Variants in CPEB3 observed in about 807,000 individuals in gnomAD.
The protein encoded by CPEB3 is cytoplasmic polyadenylation element binding protein 3.
A neutral mutation model predicts 67.2 loss-of-function variants in CPEB3; 20 were observed. That is an observed-to-expected ratio of 0.30 (90% CI 0.21 to 0.43). The LOEUF is 0.43. Ranked by LOEUF, CPEB3 falls within the 20% of genes least tolerant of loss-of-function variation. The pLI, the probability that CPEB3 is intolerant of heterozygous loss-of-function variation, is 1.00. For synonymous variants in CPEB3, 376 were observed against 393.1 expected (o/e 0.96, Z 0.51); for missense variants, 746 against 968.6 (o/e 0.77, Z 3.05).
intron 9 of CPEB3, among the ~76,000 whole-genome samples, chr10:92,055,876 T>C (rs1305611801): frequency 3.3e-5 from 5 of 151,950 alleles, no homozygotes; most frequent in Non-Finnish European, 5.9e-5. Context: ...AAATTAGCCA[T>C]GTGTTGTGGT....
chr10:92,232,757 CAAA>C (rs370945253), intron 2 of CPEB3, among the ~76,000 whole-genome samples: 9 of 122,054 alleles, frequency 7.4e-5, no homozygotes, highest in Non-Finnish European at 6.9e-5. Flanking sequence ...AACTCCATCT[CAAA>C]AAAAAAAAAA....
At chr10:92,120,301 T>A (rs1845295658) in intron 6 of CPEB3, among the ~76,000 whole-genome samples, 1 of 146,996 alleles carries the variant, frequency 6.8e-6, no homozygotes, top group Non-Finnish European at 1.5e-5. Flanking sequence ...ACCAAATTGC[T>A]AGGCCGGGCA....
intron 9 of CPEB3, among the ~76,000 whole-genome samples, chr10:92,076,520 T>C (rs79646945): frequency 6.6e-6 from 1 of 152,262 alleles, no homozygotes; most frequent in African/African-American, 2.4e-5. Flanking sequence ...TCCTCCCTCC[T>C]CAGCCTCTCC....
chr10:92,101,433 A>C (rs1384077998), intron 7 of CPEB3, among the ~76,000 whole-genome samples: 2 of 152,172 alleles, frequency 1.3e-5, no homozygotes, highest in African/African-American at 4.8e-5. Flanking sequence ...AACAAGAAGC[A>C]GCACCCCAGC....
chr10:92,183,533 T>C (rs891126844), intron 3 of CPEB3, among the ~76,000 whole-genome samples: 1 of 152,184 alleles, frequency 6.6e-6, no homozygotes, highest in East Asian at 1.9e-4. Context: ...TTTGGATTCA[T>C]TATCAAAAAA....
intron 2 of CPEB3, among the ~76,000 whole-genome samples, chr10:92,225,580 T>C (rs1564884732): frequency 1.3e-5 from 2 of 152,130 alleles, no homozygotes; most frequent in South Asian, 4.1e-4. Context: ...TTTTGTATAA[T>C]GGATTGTTAA....
At chr10:92,142,044 A>C (rs1246419499) in intron 6 of CPEB3, among the ~76,000 whole-genome samples, 70 of 151,770 alleles carry the variant, frequency 4.6e-4, no homozygotes, top group Non-Finnish European at 5.0e-4. Flanking sequence ...AAAAACAAAA[A>C]AAAAAAAAAC....
intron 8 of CPEB3, among the ~76,000 whole-genome samples, chr10:92,083,155 A>C (rs545118329): frequency 3.3e-5 from 5 of 152,316 alleles, no homozygotes; most frequent in South Asian, 2.1e-4. Flanking sequence ...CCTATTGGTG[A>C]CTGTTTTCTA....
chr10:92,270,669 C>A lies in CPEB3; in HGVS notation c.-12+20257G>T, dbSNP rs185637238. On this transcript the variant is annotated intron_variant, in intron 1 of 9. Transcript: ENST00000265997. The stretch of plus-strand genomic sequence containing the variant: ...CCTCAACCTCCCGGGCTCAAGCAAT[C>A]CTCCCACTTCAGCCTCCCAAGTAGC... Among the ~76,000 whole-genome samples, 268 of 150,564 alleles carry A rather than the reference C, an allele frequency of 1.8e-3. 1 individual carries two copies. Among genetic ancestry groups the A allele is most frequent in the African/African-American group, 6.4e-3 (260 of 40,902 alleles).
chr10:92,265,346 G>A (rs967199164), intron 1 of CPEB3, among the ~76,000 whole-genome samples: 1 of 152,076 alleles, frequency 6.6e-6, no homozygotes, highest in Non-Finnish European at 1.5e-5. Flanking sequence ...GTGTTCCAGA[G>A]TTAAACCCAT....
chr10:92,082,662 T>C lies in CPEB3; in HGVS notation c.1688-1161A>G, dbSNP rs111411023. 2.6e-4 allele frequency among the ~76,000 whole-genome samples: 40 copies of C among 152,228 alleles called. 2 individuals carry two copies. The highest frequency in any genetic ancestry group is 9.6e-4 in the African/African-American group (40 of 41,524). On this transcript the variant is annotated intron_variant, in intron 8 of 9. Coordinates refer to ENST00000265997, the MANE Select transcript of CPEB3 (RefSeq NM_014912.5). ...ATGTAGCACTTACCTGCATACCAGA[T>C]TGTCTGAAGGTAATTGTTTACTTGA...
At chr10:92,165,510 T>G (rs1847698364) in intron 4 of CPEB3, among the ~76,000 whole-genome samples, 1 of 150,588 alleles carries the variant, frequency 6.6e-6, no homozygotes, top group South Asian at 2.1e-4. Context: ...AGGCAATATC[T>G]TAAAAAAAAG....
Position 92,143,114 on chromosome 10 carries a change from C to G in CPEB3, c.1368G>C (p.Glu456Asp). 2 of 1,611,250 alleles carry G rather than the reference C, an allele frequency of 1.2e-6. No individual in the cohort carries two copies. The highest frequency in any genetic ancestry group is 1.7e-6 in the Non-Finnish European group (2 of 1,178,238). Reference protein sequence around the residue: ...GGLPPDIDEDEITASFRRFGP... With the variant: ...GGLPPDIDEDDITASFRRFGP... Reference sequence around the variant, plus strand: ...CAAACCTGCGAAAGCTGGCAGTGATCTCATCTACAAAACAAAGAAAGAATC... The same window carrying G: ...CAAACCTGCGAAAGCTGGCAGTGATGTCATCTACAAAACAAAGAAAGAATC... The change falls in exon 6 of 10, where the codon GAG (glutamate) becomes GAC (aspartate). Residue 456 changes from glutamate (E) to aspartate (D), a missense_variant. By Grantham distance (45) the Glu-to-Asp change is conservative. Coordinates refer to ENST00000265997, the MANE Select transcript of CPEB3 (RefSeq NM_014912.5).
rs1163974877 is a variant in CPEB3 at position 92,217,206 on chromosome 10, C to CAAAAAAAAA, written c.1005+22131_1005+22139dup. ...CTGGCGACACAGCGAGACTCTGCCT[C>CAAAAAAAAA]AAAAAAAAAAAAAAAAAAAAAAAAA... On this transcript the variant is annotated intron_variant, in intron 2 of 9. Transcript: ENST00000265997. 6.1e-3 allele frequency among the ~76,000 whole-genome samples: 155 copies of CAAAAAAAAA among 25,464 alleles called. 11 individuals are homozygous for CAAAAAAAAA. The highest frequency in any genetic ancestry group is 0.027 in the African/African-American group (147 of 5,430). The allele number at this position is 25,464 out of a possible 152,430, so 16.7% of individuals were successfully genotyped here. A position where few individuals can be genotyped will look rare whatever the true frequency, so the allele number is the denominator to read the frequency against.
intron 7 of CPEB3, among the ~76,000 whole-genome samples, chr10:92,108,213 T>C (rs1844563577): frequency 6.6e-6 from 1 of 151,542 alleles, no homozygotes; most frequent in Non-Finnish European, 1.5e-5. Flanking sequence ...TCCTGAAAGG[T>C]AGAAAATAAA....
intron 9 of CPEB3, among the ~76,000 whole-genome samples, chr10:92,080,131 C>T (rs559397395): frequency 1.7e-4 from 26 of 149,766 alleles, no homozygotes; most frequent in African/African-American, 3.9e-4. Context: ...GGCGTGAACC[C>T]GGGAGGCGGA....
At chr10:92,211,208 C>A (rs1850065578) in intron 2 of CPEB3, among the ~76,000 whole-genome samples, 1 of 152,146 alleles carries the variant, frequency 6.6e-6, no homozygotes, top group Non-Finnish European at 1.5e-5. Context: ...CATTCAGCCA[C>A]TTTTAGACAA....
At chr10:92,212,357 T>C (rs975529948) in intron 2 of CPEB3, among the ~76,000 whole-genome samples, 2 of 151,362 alleles carry the variant, frequency 1.3e-5, no homozygotes, top group African/African-American at 4.9e-5. Context: ...TTCAACCAAT[T>C]CTCCTGCCTC....
At chr10:92,136,387 C>T (rs1197309815) in intron 6 of CPEB3, among the ~76,000 whole-genome samples, 1 of 151,998 alleles carries the variant, frequency 6.6e-6, no homozygotes, top group Non-Finnish European at 1.5e-5. Flanking sequence ...AAACAGTCAA[C>T]AAAGTGAAGA....
Sources: allele counts gnomAD v4.1 joint callset (sites outside exome capture counted in the v4.1 genomes callset), GRCh38; gene constraint gnomAD v4.1.1; transcripts MANE v1.5; gene names NCBI Gene and HGNC (gene_info 2026-07-23, HGNC 2026-07-21).